Variants in LSAMP observed in about 807,000 individuals in gnomAD.
LSAMP encodes limbic system-associated membrane protein.
Under a neutral mutation model 38.6 loss-of-function variants are expected in LSAMP, and 7 were observed. The observed-to-expected ratio is 0.18, with a 90% CI of 0.10 to 0.34. The LOEUF is 0.34. Among genes scored for constraint, LSAMP ranks in the 10% least tolerant of loss-of-function variants. The pLI is 1.00. For missense variants in LSAMP, 313 were observed against 420.0 expected, an observed-to-expected ratio of 0.75 and a Z score of 2.23; for synonymous variants, 154 against 166.8, an observed-to-expected ratio of 0.92 and a Z score of 0.59.
intron 6 of LSAMP, among the ~76,000 whole-genome samples, chr3:115,823,363 G>C (rs1341029074): frequency 1.3e-5 from 2 of 152,196 alleles, no homozygotes; most frequent in Non-Finnish European, 2.9e-5. Context: ...AACCTTGAAC[G>C]AATAACAGAA....
intron 1 of LSAMP, among the ~76,000 whole-genome samples, chr3:116,255,364 T>A (rs765601536): frequency 1.3e-5 from 2 of 152,182 alleles, no homozygotes. Flanking sequence ...GCTTTAAATA[T>A]GAATTTATTG....
intron 2 of LSAMP, among the ~76,000 whole-genome samples, chr3:116,044,756 C>T (rs1304051370): frequency 6.6e-6 from 1 of 152,164 alleles, no homozygotes; most frequent in East Asian, 1.9e-4. Context: ...GGCCAGACCT[C>T]CAAGGCTGTA....
At chr3:116,443,806 C>A (rs1024372402) in intron 1 of LSAMP, among the ~76,000 whole-genome samples, 1 of 152,104 alleles carries the variant, frequency 6.6e-6, no homozygotes, top group Non-Finnish European at 1.5e-5. Flanking sequence ...GAGAGTGATT[C>A]TTTCTTTTTG....
chr3:116,428,325 G>C (rs542389475), intron 1 of LSAMP, among the ~76,000 whole-genome samples: 2 of 152,216 alleles, frequency 1.3e-5, no homozygotes, highest in Admixed American at 1.3e-4. Context: ...GGGCTTGGTG[G>C]TGTGGGCCTG....
At chr3:115,967,866 C>T (rs143835159) in intron 3 of LSAMP, among the ~76,000 whole-genome samples, 3,287 of 152,244 alleles carry the variant, frequency 0.022, 74 homozygotes, top group African/African-American at 0.062. Context: ...CCTCCCACAA[C>T]ATGTGGGAAT....
Position 115,805,856 on chromosome 3 carries a change from T to G in LSAMP, c.*4461A>C, listed in dbSNP as rs974612362. On this transcript the variant is annotated 3_prime_UTR_variant, in exon 7 of 7. Transcript: ENST00000490035. ...TGCCAACCATGATGGAAAATTTACA[T>G]CACTGAGGCAAATGCAGTCTTTGGA... 2.6e-5 allele frequency: 4 copies of G among 152,238 alleles called. No individual in the cohort carries two copies. Among genetic ancestry groups the G allele is most frequent in the Non-Finnish European group, 4.4e-5 (3 of 68,028 alleles). 9.4% of individuals were successfully genotyped at this position (152,238 alleles called of 1,614,324 possible). A position where few individuals can be genotyped will look rare whatever the true frequency, so the allele number is the denominator to read the frequency against.
intron 1 of LSAMP, among the ~76,000 whole-genome samples, chr3:116,107,869 C>T (rs541767974): frequency 6.6e-6 from 1 of 152,026 alleles, no homozygotes; most frequent in African/African-American, 2.4e-5. Context: ...GGGTTTGGCA[C>T]CATGGGGTGG....
chr3:116,206,325 T>C lies in LSAMP; in HGVS notation c.156-119769A>G, dbSNP rs1205808468. ...CTTTATTAGTCTTGCTAGCGGTCTA[T>C]CAATTTTGTTGATCCTTTCAAAAAA... On this transcript the variant is annotated intron_variant, in intron 1 of 6. Coordinates refer to ENST00000490035, the MANE Select transcript of LSAMP (RefSeq NM_002338.5). 3.0e-4 allele frequency among the ~76,000 whole-genome samples: 45 copies of C among 150,780 alleles called. 1 individual carries two copies. Among genetic ancestry groups the C allele is most frequent in the Admixed American group, 2.8e-3 (42 of 15,082 alleles).
At position 116,273,683 on chromosome 3, in the gene LSAMP, CATATAT is replaced by C. The variant is rs1553719897; in HGVS notation, c.155+171188_155+171193del. ...GACCACCAAGAGAAAGAGAAAGAGG[CATATAT>C]ATATATATATATATATATACACACA... On this transcript the variant is annotated intron_variant, in intron 1 of 6. Transcript: ENST00000490035. Among the ~76,000 whole-genome samples the C allele has an allele frequency of 2.3e-3, 118 of 50,498 alleles. 23 individuals carry two copies. The highest frequency in any genetic ancestry group is 0.013 in the African/African-American group (106 of 7,974). 33.1% of individuals were successfully genotyped at this position (50,498 alleles called of 152,430 possible).
At chr3:116,344,279 TGAAA>T (rs2048035713) in intron 1 of LSAMP, among the ~76,000 whole-genome samples, 1 of 152,030 alleles carries the variant, frequency 6.6e-6, no homozygotes, top group African/African-American at 2.4e-5. Flanking sequence ...AAGATTAGAT[TGAAA>T]GAAAGAAATT....
intron 1 of LSAMP, among the ~76,000 whole-genome samples, chr3:116,384,435 A>G (rs72950190): frequency 0.11 from 17,147 of 152,110 alleles, 1,385 homozygotes; most frequent in African/African-American, 0.23. Context: ...CAATTGAATC[A>G]GAATTTTTGG....
chr3:115,843,268 C>G (rs2107506773), intron 4 of LSAMP, among the ~76,000 whole-genome samples: 1 of 152,316 alleles, frequency 6.6e-6, no homozygotes, highest in African/African-American at 2.4e-5. Flanking sequence ...GGCAGTTGGG[C>G]CCTTGATTTT....
At chr3:116,024,127 A>T (rs2107693719) in intron 2 of LSAMP, among the ~76,000 whole-genome samples, 2 of 152,250 alleles carry the variant, frequency 1.3e-5, no homozygotes, top group Middle Eastern at 6.8e-3. Flanking sequence ...TGGAGGCCAT[A>T]TTGGGTGAAA....
intron 1 of LSAMP, among the ~76,000 whole-genome samples, chr3:116,130,495 C>G (rs1228828244): frequency 1.3e-5 from 2 of 152,130 alleles, no homozygotes; most frequent in African/African-American, 4.8e-5. Flanking sequence ...TAAACAACAA[C>G]ATGGATTACA....
intron 2 of LSAMP, among the ~76,000 whole-genome samples, chr3:116,058,019 G>A (rs1437970750): frequency 6.6e-6 from 1 of 151,480 alleles, no homozygotes; most frequent in African/African-American, 2.4e-5. Context: ...CTAGAGTGCA[G>A]CAGCATGGTA....
chr3:116,440,384 G>A (rs1178427690), intron 1 of LSAMP, among the ~76,000 whole-genome samples: 14 of 152,126 alleles, frequency 9.2e-5, no homozygotes, highest in Admixed American at 9.2e-4. Context: ...GAAACACAAA[G>A]GTTTAACCCT....
intron 2 of LSAMP, among the ~76,000 whole-genome samples, chr3:116,075,090 G>A (rs1430665052): frequency 6.7e-6 from 1 of 149,722 alleles, no homozygotes; most frequent in African/African-American, 2.5e-5. Context: ...TGCCCATCTT[G>A]GCCTCTCAAA....
At chr3:116,179,996 T>G (rs1290668966) in intron 1 of LSAMP, among the ~76,000 whole-genome samples, 1 of 152,214 alleles carries the variant, frequency 6.6e-6, no homozygotes, top group African/African-American at 2.4e-5. Flanking sequence ...TTATAACATA[T>G]TTATAATAGC....
At chr3:115,839,010 G>A (rs1422235966) in intron 6 of LSAMP, among the ~76,000 whole-genome samples, 2 of 152,178 alleles carry the variant, frequency 1.3e-5, no homozygotes, top group Non-Finnish European at 2.9e-5. Flanking sequence ...GGTCAGCAGA[G>A]CACCCCGCTG....
Sources: gnomAD v4.1 joint callset for allele counts (sites outside exome capture counted in the v4.1 genomes callset) on GRCh38, gnomAD v4.1.1 for gene constraint, MANE v1.5 for transcripts, NCBI Gene and HGNC (gene_info 2026-07-23, HGNC 2026-07-21) for gene names.